KCTD16: variants seen among roughly 807,000 people sequenced by gnomAD.
KCTD16 encodes the protein potassium channel tetramerization domain containing 16.
KCTD16 carries 13 observed loss-of-function variants against 33.2 expected under a neutral mutation model. The ratio of observed to expected loss-of-function variants is 0.39; its 90% CI spans 0.25 to 0.62. KCTD16 has a LOEUF of 0.62. KCTD16 is among the 20% of genes least tolerant of loss of function. The pLI is 0.50. For synonymous variants in KCTD16, 197 were observed against 195.3 expected, an observed-to-expected ratio of 1.01 and a Z score of -0.07; for missense variants, 441 against 525.1, an observed-to-expected ratio of 0.84 and a Z score of 1.57.
intron 3 of KCTD16, among the ~76,000 whole-genome samples, chr5:144,231,027 G>C (rs1010665198): frequency 6.6e-6 from 1 of 152,118 alleles, no homozygotes; most frequent in Non-Finnish European, 1.5e-5. Context: ...GATGGTGAAG[G>C]GCCTTATGTG....
intron 3 of KCTD16, among the ~76,000 whole-genome samples, chr5:144,392,091 GTATGT>G (rs1483491691): frequency 6.6e-6 from 1 of 152,178 alleles, no homozygotes; most frequent in East Asian, 1.9e-4. Flanking sequence ...TATATTAAAT[GTATGT>G]TATAATAGTT....
At chr5:144,217,139 G>T (rs1262649626) in intron 3 of KCTD16, among the ~76,000 whole-genome samples, 1 of 152,240 alleles carries the variant, frequency 6.6e-6, no homozygotes, top group Admixed American at 6.5e-5. Flanking sequence ...CCCAAACAGA[G>T]AATGAGCTGG....
At chr5:144,193,146 C>A (rs762358766) in intron 2 of KCTD16, among the ~76,000 whole-genome samples, 5 of 152,230 alleles carry the variant, frequency 3.3e-5, no homozygotes, top group South Asian at 2.1e-4. Context: ...GATCTCCCTA[C>A]AACTAATTTT....
At chr5:144,194,622 G>T (rs1752907274) in intron 2 of KCTD16, among the ~76,000 whole-genome samples, 1 of 152,220 alleles carries the variant, frequency 6.6e-6, no homozygotes, top group South Asian at 2.1e-4. Context: ...GGGCCAGTTA[G>T]TGCACTAAGC....
chr5:144,375,803 T>C (rs888791938), intron 3 of KCTD16, among the ~76,000 whole-genome samples: 1 of 152,084 alleles, frequency 6.6e-6, no homozygotes, highest in African/African-American at 2.4e-5. Context: ...CTTCCTTCCC[T>C]GCCTCCCTTC....
At chr5:144,186,375 A>G (rs1356726656) in intron 2 of KCTD16, among the ~76,000 whole-genome samples, 2 of 151,568 alleles carry the variant, frequency 1.3e-5, no homozygotes, top group Non-Finnish European at 2.9e-5. Flanking sequence ...AAAAAAAAAA[A>G]AACTAATGGC....
rs536883279 is a variant in KCTD16 at position 144,480,391 on chromosome 5, A to G, written c.*6277A>G. 6 of 152,114 alleles carry G rather than the reference A, an allele frequency of 3.9e-5. No individual in the cohort carries two copies. In the South Asian group the frequency reaches 1.2e-3, roughly 31 times the overall value. 9.4% of individuals were successfully genotyped at this position (152,114 alleles called of 1,614,324 possible). A position where few individuals can be genotyped will look rare whatever the true frequency, so the allele number is the denominator to read the frequency against. ...AAACAATACTAATTTCTGGGGAAAA[A>G]TCAAACTCATATCCATGTATATAGT... On this transcript the variant is annotated 3_prime_UTR_variant, in exon 4 of 4. Coordinates refer to ENST00000512467, the MANE Select transcript of KCTD16 (RefSeq NM_020768.4).
At chr5:144,361,129 C>T (rs1419727651) in intron 3 of KCTD16, among the ~76,000 whole-genome samples, 1 of 147,498 alleles carries the variant, frequency 6.8e-6, no homozygotes, top group Non-Finnish European at 1.5e-5. Flanking sequence ...TGTTCAATTC[C>T]CACCTATGAG....
At chr5:144,222,171 G>A (rs747364691) in intron 3 of KCTD16, among the ~76,000 whole-genome samples, 8 of 151,946 alleles carry the variant, frequency 5.3e-5, no homozygotes, top group Non-Finnish European at 1.0e-4. Flanking sequence ...TTAGCCTTTT[G>A]TCAATGGATA....
chr5:144,479,258 T>C lies in KCTD16; in HGVS notation c.*5144T>C, dbSNP rs1180190592. 1 of 151,546 alleles carries C rather than the reference T, an allele frequency of 6.6e-6. No individual in the cohort carries two copies. Among genetic ancestry groups the C allele is most frequent in the Admixed American group, 6.6e-5 (1 of 15,162 alleles). The allele number at this position is 151,546 out of a possible 1,614,324, so 9.4% of individuals were successfully genotyped here. A position where few individuals can be genotyped will look rare whatever the true frequency, so the allele number is the denominator to read the frequency against. The stretch of plus-strand genomic sequence containing the variant: ...TCCTGCGCCATTGAACTGCTAAATT[T>C]GTCCAATTTGACTCAATCAGGACTA... On this transcript the variant is annotated 3_prime_UTR_variant, in exon 4 of 4. Coordinates refer to ENST00000512467, the MANE Select transcript of KCTD16 (RefSeq NM_020768.4).
intron 3 of KCTD16, among the ~76,000 whole-genome samples, chr5:144,351,415 G>A (rs1274897225): frequency 1.3e-5 from 2 of 152,122 alleles, no homozygotes; most frequent in East Asian, 1.9e-4. Context: ...TGTTGGTGAG[G>A]ATGTGGGGAA....
intron 3 of KCTD16, among the ~76,000 whole-genome samples, chr5:144,278,748 C>T (rs867966148): frequency 6.2e-4 from 94 of 152,040 alleles, no homozygotes; most frequent in Middle Eastern, 6.8e-3. Flanking sequence ...CCACCCGCCT[C>T]GGCCTCCCTA....
intron 3 of KCTD16, among the ~76,000 whole-genome samples, chr5:144,438,929 G>T (rs568811761): frequency 6.6e-6 from 1 of 151,972 alleles, no homozygotes; most frequent in Admixed American, 6.6e-5. Flanking sequence ...CTCCTTATTC[G>T]GTTAGACACC....
chr5:144,342,542 C>G (rs1752674179), intron 3 of KCTD16, among the ~76,000 whole-genome samples: 1 of 152,140 alleles, frequency 6.6e-6, no homozygotes, highest in African/African-American at 2.4e-5. Flanking sequence ...AATTTGACTT[C>G]CTCTTTTCCT....
chr5:144,375,983 C>CTGGCTGATTTTTTGTACTT (rs368438125), intron 3 of KCTD16, among the ~76,000 whole-genome samples: 22 of 152,224 alleles, frequency 1.4e-4, no homozygotes, highest in African/African-American at 5.3e-4. Context: ...GCCGCTAAAT[C>CTGGCTGATTTTTTGTACTT]TGGCTGATTT....
chr5:144,231,426 T>C (rs1168409565), intron 3 of KCTD16, among the ~76,000 whole-genome samples: 2 of 152,158 alleles, frequency 1.3e-5, no homozygotes, highest in Non-Finnish European at 2.9e-5. Context: ...ATAGGCACAT[T>C]AGTAGAAAAA....
intron 3 of KCTD16, among the ~76,000 whole-genome samples, chr5:144,321,567 A>G (rs113556683): frequency 5.9e-5 from 9 of 152,266 alleles, no homozygotes; most frequent in African/African-American, 2.2e-4. Context: ...CAATGTTTTA[A>G]TTCACTTGAC....
chr5:144,253,459 A>G (rs1490216007), intron 3 of KCTD16, among the ~76,000 whole-genome samples: 1 of 152,188 alleles, frequency 6.6e-6, no homozygotes, highest in Non-Finnish European at 1.5e-5. Flanking sequence ...ACTAGCACAG[A>G]GCAGATGCTT....
At chr5:144,278,881 A>G (rs935485568) in intron 3 of KCTD16, among the ~76,000 whole-genome samples, 1 of 152,216 alleles carries the variant, frequency 6.6e-6, no homozygotes, top group Non-Finnish European at 1.5e-5. Context: ...GGATTGTATT[A>G]TACGTATAGA....
Sources: allele counts gnomAD v4.1 joint callset (sites outside exome capture counted in the v4.1 genomes callset), GRCh38; gene constraint gnomAD v4.1.1; transcripts MANE v1.5; gene names NCBI Gene and HGNC (gene_info 2026-07-23, HGNC 2026-07-21).